RMI1: variants seen among roughly 807,000 people sequenced by gnomAD.
RMI1 encodes the protein RecQ mediated genome instability 1.
Under a neutral mutation model 46.7 loss-of-function variants are expected in RMI1, and 36 were observed. That is an observed-to-expected ratio of 0.77 (90% CI 0.59 to 1.02). The LOEUF is 1.02. RMI1 is among the 50% of genes least tolerant of loss of function. The pLI, the probability that RMI1 is intolerant of heterozygous loss-of-function variation, is 0.00. For missense variants in RMI1, 676 were observed against 713.7 expected, an observed-to-expected ratio of 0.95 and a Z score of 0.60; for synonymous variants, 250 against 252.9, an observed-to-expected ratio of 0.99 and a Z score of 0.11.
At chr9:84,000,846 G>A (rs1957726243) in intron 2 of RMI1, 105 bp from the exon 3 acceptor site, 2 of 604,178 alleles carry the variant, frequency 3.3e-6, no homozygotes, top group Non-Finnish European at 5.7e-6. Context: ...AGATGCTGAA[G>A]AGTGAAAAAT....
intron 1 of RMI1, among the ~76,000 whole-genome samples, chr9:83,987,304 C>T (rs528544901): frequency 1.6e-4 from 25 of 152,328 alleles, no homozygotes; most frequent in African/African-American, 2.9e-4. Flanking sequence ...CCACCCGCCT[C>T]GGCCTCCCAA....
intron 1 of RMI1, among the ~76,000 whole-genome samples, chr9:83,998,962 G>A (rs1476979103): frequency 6.6e-6 from 1 of 152,012 alleles, no homozygotes; most frequent in Non-Finnish European, 1.5e-5. Flanking sequence ...CCAACATGGC[G>A]AAACCCTGTC....
intron 1 of RMI1, among the ~76,000 whole-genome samples, chr9:83,989,471 G>A (rs1957536297): frequency 6.6e-6 from 1 of 152,092 alleles, no homozygotes; most frequent in South Asian, 2.1e-4. Flanking sequence ...TATATAAGGA[G>A]CTGAAACAAT....
In RMI1 at chr9:84,002,079, A is replaced by G; in HGVS notation, c.1093A>G (p.Thr365Ala). 1 of 1,613,856 alleles carries G rather than the reference A, an allele frequency of 6.2e-7. No individual in the cohort carries two copies. The highest frequency in any genetic ancestry group is 8.5e-7 in the Non-Finnish European group (1 of 1,179,882). The change falls in exon 3 of 3, where the codon ACT (threonine) becomes GCT (alanine). Residue 365 changes from threonine to alanine, a missense_variant. Physicochemically the swap from Thr to Ala is moderately conservative, Grantham distance 58 (BLOSUM62 0). Coordinates refer to ENST00000445877, the MANE Select transcript of RMI1 (RefSeq NM_001358291.2). ...TAATACTACGAATAACTTTTCTTTG[A>G]CTTGCAAAAATGGAAACAATAATTG... ...NPNTTNNFSL[T>A]CKNGNNNWSE...
At chr9:83,982,404 C>T (rs558965429) in intron 1 of RMI1, among the ~76,000 whole-genome samples, 20 of 152,252 alleles carry the variant, frequency 1.3e-4, no homozygotes, top group Non-Finnish European at 2.1e-4. Flanking sequence ...TGGCTCACGC[C>T]TGTAATCCCA....
At position 84,002,150 on chromosome 9, in the gene RMI1, A is replaced by G; in HGVS notation, c.1164A>G (p.Ser388=). The G allele has an allele frequency of 6.2e-7, 1 of 1,613,776 alleles. No individual in the cohort carries two copies. The highest frequency in any genetic ancestry group is 8.5e-7 in the Non-Finnish European group (1 of 1,179,878). ...AACAAATGACTAATGAAGACAAATC[A>G]TTTGGTTGTCCATCTGTTAGAGACC... ...VSEQMTNEDK[S]FGCPSVRDQN... is the part of the protein sequence containing the mutation. The change falls in exon 3 of 3, where the codon TCA becomes TCG. Residue 388 remains serine (S), a synonymous_variant. Coordinates refer to ENST00000445877, the MANE Select transcript of RMI1 (RefSeq NM_001358291.2).
intron 2 of RMI1, 30 bp downstream of exon 2, chr9:83,999,827 T>G (rs1306683341): frequency 6.6e-6 from 1 of 152,236 alleles, no homozygotes; most frequent in Non-Finnish European, 1.5e-5. Context: ...TAGTAAAACT[T>G]TAATATATTC....
At chr9:83,990,214 G>T (rs1957549377) in intron 1 of RMI1, among the ~76,000 whole-genome samples, 1 of 152,102 alleles carries the variant, frequency 6.6e-6, no homozygotes, top group Non-Finnish European at 1.5e-5. Context: ...ATTGGTCAAT[G>T]GGTGTAAAAA....
In RMI1 at chr9:84,002,316, A is replaced by G. The variant is rs750529804; in HGVS notation, c.1330A>G (p.Asn444Asp). The change falls in exon 3 of 3, where the codon AAT (asparagine) becomes GAT (aspartate). Residue 444 changes from asparagine to aspartate, a missense_variant. By Grantham distance (23) the Asn-to-Asp change is conservative (BLOSUM62 1). Transcript: ENST00000445877. ...DSHSLNNKIL[N>D]REVVNYVQKR... ...CCATTCCTTAAATAATAAAATATTA[A>G]ATAGAGAGGTGGTCAACTATGTACA... 2 of 1,599,856 alleles carry G rather than the reference A, an allele frequency of 1.3e-6. No homozygotes were observed. Among genetic ancestry groups the G allele is most frequent in the South Asian group, 1.1e-5 (1 of 90,428 alleles).
chr9:84,001,111 A>T lies in RMI1; in HGVS notation c.125A>T (p.Asn42Ile). 1 of 1,614,144 alleles carries T rather than the reference A, an allele frequency of 6.2e-7. No homozygotes were observed. Among genetic ancestry groups the T allele is most frequent in the Non-Finnish European group, 8.5e-7 (1 of 1,179,990 alleles). ...NWIQEENNNV[N>I]LSQAQMNKQV... The stretch of plus-strand genomic sequence containing the variant: ...ATTCAAGAAGAAAATAATAATGTTA[A>T]CTTGAGTCAGGCCCAAATGAATAAA... Residue 42 changes from asparagine to isoleucine, a missense_variant, in exon 3 of 3, where the codon AAC becomes ATC. By Grantham distance (149) the Asn-to-Ile change is moderately radical. Coordinates refer to ENST00000445877, the MANE Select transcript of RMI1 (RefSeq NM_001358291.2).
Position 84,001,419 on chromosome 9 carries a change from C to G in RMI1, c.433C>G (p.Gln145Glu). 4 of 1,614,054 alleles carry G rather than the reference C, an allele frequency of 2.5e-6. No homozygotes were observed. The highest frequency in any genetic ancestry group is 3.4e-6 in the Non-Finnish European group (4 of 1,179,984). Residue 145 changes from glutamine to glutamate, a missense_variant, in exon 3 of 3, where the codon CAA (glutamine) becomes GAA (glutamate). Coordinates refer to ENST00000445877, the MANE Select transcript of RMI1 (RefSeq NM_001358291.2). ...GCTGCAGCTAACTGATGGAATCGTA[C>G]AAATACAGGGAATGGAATATCAGCC... is the stretch of plus-strand genomic sequence containing the variant. ...LMLQLTDGIV[Q>E]IQGMEYQPIP...
rs1401035585 is a variant in RMI1 at position 84,002,522 on chromosome 9, A to G, written c.1536A>G (p.Ala512=). The G allele has an allele frequency of 1.2e-6, 2 of 1,614,048 alleles. No homozygotes were observed. The highest frequency in any genetic ancestry group is 1.7e-5 in the Admixed American group (1 of 60,032). Residue 512 remains alanine (A), a synonymous_variant, in exon 3 of 3, where the codon GCA becomes GCG. Coordinates refer to ENST00000445877, the MANE Select transcript of RMI1 (RefSeq NM_001358291.2). ...PKEVTTVKVK[A]FIVTLTGNLS... is the part of the protein sequence containing the mutation. ...AAGTTACAACAGTGAAAGTGAAAGC[A>G]TTTATTGTAACCTTAACTGGAAATC... is the stretch of plus-strand genomic sequence containing the variant.
rs1957737146 is a variant in RMI1, at chr9:84,001,567, T to C, written c.581T>C (p.Val194Ala). The change falls in exon 3 of 3, where the codon GTA becomes GCA. Residue 194 changes from valine to alanine, a missense_variant. Physicochemically the swap from Val to Ala is moderately conservative, Grantham distance 64. Coordinates refer to ENST00000445877, the MANE Select transcript of RMI1 (RefSeq NM_001358291.2). ...PENVKVLGGE[V>A]DALLEEYAQE... ...AACGTGAAAGTGTTAGGAGGTGAAG[T>C]AGATGCTCTTTTAGAAGAATATGCC... The C allele has an allele frequency of 6.2e-7, 1 of 1,613,838 alleles. No individual in the cohort carries two copies.
Position 84,002,120 on chromosome 9 carries a change from A to G in RMI1, c.1134A>G (p.Val378=). 1.2e-6 allele frequency: 2 copies of G among 1,613,884 alleles called. No individual in the cohort carries two copies. Among genetic ancestry groups the G allele is most frequent in the Non-Finnish European group, 1.7e-6 (2 of 1,179,918 alleles). The part of the protein sequence containing the change: ...NGNNNWSEKN[V]SEQMTNEDKS... ...ACAATAATTGGAGTGAAAAAAATGT[A>G]TCTGAACAAATGACTAATGAAGACA... The change falls in exon 3 of 3, where the codon GTA becomes GTG. Residue 378 remains valine (V), a synonymous_variant. Coordinates refer to ENST00000445877, the MANE Select transcript of RMI1 (RefSeq NM_001358291.2).
At position 84,000,992 on chromosome 9, in the gene RMI1, T is replaced by C. The variant is rs377524412; in HGVS notation, c.6T>C (p.Asn2=). Residue 2 remains asparagine, a synonymous_variant, in exon 3 of 3, where the codon AAT becomes AAC. Transcript: ENST00000445877. The part of the protein sequence containing the change: M[N]VTSIALRAET... ...ATTTCTTTTATTTAAAAGAAATGAATGTGACTAGTATTGCATTAAGAGCTG... is the reference window on the plus strand; with the variant it reads ...ATTTCTTTTATTTAAAAGAAATGAACGTGACTAGTATTGCATTAAGAGCTG... The C allele has an allele frequency of 6.3e-7, 1 of 1,575,912 alleles. No homozygotes were observed. The highest frequency in any genetic ancestry group is 1.4e-5 in the African/African-American group (1 of 72,878).
At chr9:83,999,851 T>C (rs1356639502) in intron 2 of RMI1, 54 bp downstream of exon 2, 6 of 152,230 alleles carry the variant, frequency 3.9e-5, no homozygotes, top group African/African-American at 1.4e-4. Flanking sequence ...TTCATAAATA[T>C]CTTCATCTGT....
At chr9:83,985,677 A>G (rs188488426) in intron 1 of RMI1, among the ~76,000 whole-genome samples, 5 of 151,858 alleles carry the variant, frequency 3.3e-5, no homozygotes, top group African/African-American at 1.2e-4. Context: ...ATTCATCCCA[A>G]CTCTTGGCTG....
At chr9:83,984,924 A>G (rs1205552113) in intron 1 of RMI1, among the ~76,000 whole-genome samples, 3 of 152,164 alleles carry the variant, frequency 2.0e-5, no homozygotes, top group Non-Finnish European at 4.4e-5. Context: ...ATTTTCTTGG[A>G]CAGTGGAGTT....
intron 1 of RMI1, among the ~76,000 whole-genome samples, chr9:83,984,265 A>C (rs529245796): frequency 2.6e-4 from 37 of 139,740 alleles, no homozygotes; most frequent in Admixed American, 4.3e-4. Flanking sequence ...ATATGGTATG[A>C]ACATACCTTT....
Sources: allele counts gnomAD v4.1 joint callset (sites outside exome capture counted in the v4.1 genomes callset), GRCh38; gene constraint gnomAD v4.1.1; transcripts MANE v1.5; gene names NCBI Gene and HGNC (gene_info 2026-07-23, HGNC 2026-07-21).